ASIC2: variants seen among roughly 807,000 people sequenced by gnomAD.
ASIC2 encodes acid-sensing ion channel 2.
Under a neutral mutation model 57.3 loss-of-function variants are expected in ASIC2, and 25 were observed. The observed-to-expected ratio is 0.44, with a 90% confidence interval of 0.32 to 0.61. ASIC2 has a LOEUF of 0.61. ASIC2 is among the 20% of genes least tolerant of loss of function. The pLI is 0.06. For synonymous variants in ASIC2, 319 were observed against 307.5 expected (o/e 1.04, Z -0.39); for missense variants, 641 against 738.1 (o/e 0.87, Z 1.52).
At chr17:33,342,263 T>C (rs967660555) in intron 1 of ASIC2, among the ~76,000 whole-genome samples, 2 of 152,042 alleles carry the variant, frequency 1.3e-5, no homozygotes, top group African/African-American at 4.8e-5. Context: ...TCCTTACTCA[T>C]TGTTAGGGCT....
chr17:33,487,725 A>G (rs919046015), intron 1 of ASIC2, among the ~76,000 whole-genome samples: 1 of 152,222 alleles, frequency 6.6e-6, no homozygotes, highest in African/African-American at 2.4e-5. Context: ...CAGCGTGGCC[A>G]GAATAAAGAA....
chr17:33,665,292 A>C (rs1907434418), intron 1 of ASIC2, among the ~76,000 whole-genome samples: 1 of 152,216 alleles, frequency 6.6e-6, no homozygotes, highest in South Asian at 2.1e-4. Context: ...ACATATTTCG[A>C]GGTGTACTCA....
chr17:34,059,644 C>T (rs1004033331), intron 1 of ASIC2, among the ~76,000 whole-genome samples: 6 of 152,164 alleles, frequency 3.9e-5, no homozygotes, highest in Admixed American at 2.6e-4. Context: ...CTTGGTGCTG[C>T]TGTGGGAGGG....
intron 1 of ASIC2, among the ~76,000 whole-genome samples, chr17:33,980,276 CA>C (rs1905564537): frequency 6.6e-6 from 1 of 152,142 alleles, no homozygotes; most frequent in Non-Finnish European, 1.5e-5. Flanking sequence ...AGACAGAGCT[CA>C]AGCAAGTCTC....
chr17:33,029,530 C>T (rs1445839447), intron 3 of ASIC2, among the ~76,000 whole-genome samples: 2 of 152,242 alleles, frequency 1.3e-5, no homozygotes, highest in Admixed American at 6.5e-5. Flanking sequence ...TATCCACTCA[C>T]TTGATGATGG....
chr17:33,424,206 C>A (rs1256333265), intron 1 of ASIC2, among the ~76,000 whole-genome samples: 1 of 152,166 alleles, frequency 6.6e-6, no homozygotes, highest in East Asian at 1.9e-4. Context: ...CTCCTGCCCC[C>A]AAGGGTTATA....
chr17:33,251,229 A>G (rs997491350), intron 1 of ASIC2, among the ~76,000 whole-genome samples: 4 of 152,240 alleles, frequency 2.6e-5, no homozygotes, highest in Non-Finnish European at 5.9e-5. Flanking sequence ...AGTGGGTTCT[A>G]GGTTACCACA....
At chr17:33,638,954 C>T (rs77929727) in intron 1 of ASIC2, among the ~76,000 whole-genome samples, 3 of 152,106 alleles carry the variant, frequency 2.0e-5, no homozygotes, top group Admixed American at 6.5e-5. Context: ...CCCCAGTTGT[C>T]CTGGGTGGTC....
At chr17:34,017,398 C>T (rs1437302513) in intron 1 of ASIC2, among the ~76,000 whole-genome samples, 1 of 152,118 alleles carries the variant, frequency 6.6e-6, no homozygotes, top group Non-Finnish European at 1.5e-5. Context: ...TCCCTGACAC[C>T]CAACAATATT....
At chr17:33,531,346 C>T (rs1915045093) in intron 1 of ASIC2, among the ~76,000 whole-genome samples, 1 of 152,106 alleles carries the variant, frequency 6.6e-6, no homozygotes, top group South Asian at 2.1e-4. Context: ...ATCTGAGCTG[C>T]CTTTATCTGT....
chr17:33,923,309 C>A (rs1036546189), intron 1 of ASIC2, among the ~76,000 whole-genome samples: 3 of 152,166 alleles, frequency 2.0e-5, no homozygotes, highest in Non-Finnish European at 4.4e-5. Flanking sequence ...AAATATTTGC[C>A]GTTCTCAAGG....
At chr17:33,340,569 T>A (rs185088048) in intron 1 of ASIC2, among the ~76,000 whole-genome samples, 2 of 152,128 alleles carry the variant, frequency 1.3e-5, no homozygotes, top group Non-Finnish European at 2.9e-5. Context: ...ATATCAGATA[T>A]GACCTCCCTC....
intron 1 of ASIC2, among the ~76,000 whole-genome samples, chr17:33,909,026 A>G (rs1190606324): frequency 6.6e-6 from 1 of 152,190 alleles, no homozygotes; most frequent in Non-Finnish European, 1.5e-5. Flanking sequence ...CACAGCCATC[A>G]GCTGTTGAAT....
intron 1 of ASIC2, among the ~76,000 whole-genome samples, chr17:33,167,353 G>C (rs764305747): frequency 5.9e-5 from 9 of 152,176 alleles, no homozygotes; most frequent in Non-Finnish European, 1.3e-4. Context: ...CTAAGTCACA[G>C]AGGTCCTGCC....
intron 1 of ASIC2, among the ~76,000 whole-genome samples, chr17:33,888,903 T>C (rs8074055): frequency 0.17 from 25,884 of 151,972 alleles, 2,343 homozygotes; most frequent in African/African-American, 0.24. Flanking sequence ...TATAATAACG[T>C]AGGAACCATT....
At chr17:34,021,831 TG>T (rs1907169466) in intron 1 of ASIC2, among the ~76,000 whole-genome samples, 2 of 132,750 alleles carry the variant, frequency 1.5e-5, no homozygotes, top group East Asian at 2.0e-4. Context: ...TTTTGTGTTT[TG>T]TTTTGTTTTT....
intron 1 of ASIC2, among the ~76,000 whole-genome samples, chr17:33,549,262 A>G (rs1364860707): frequency 6.6e-6 from 1 of 152,186 alleles, no homozygotes; most frequent in Non-Finnish European, 1.5e-5. Flanking sequence ...GCAGAGAACC[A>G]AAAGAGACAT....
chr17:33,980,126 T>G (rs554544054), intron 1 of ASIC2, among the ~76,000 whole-genome samples: 248 of 152,080 alleles, frequency 1.6e-3, no homozygotes, highest in African/African-American at 6.0e-3. Flanking sequence ...ATAATAAAGA[T>G]AGAGACACAA....
chr17:33,997,617 T>A (rs1458736420), intron 1 of ASIC2, among the ~76,000 whole-genome samples: 1 of 152,178 alleles, frequency 6.6e-6, no homozygotes, highest in Non-Finnish European at 1.5e-5. Context: ...TTTTTCCGCA[T>A]CTATTGAGAT....
Sources: gnomAD v4.1 joint callset for allele counts (sites outside exome capture counted in the v4.1 genomes callset) on GRCh38, gnomAD v4.1.1 for gene constraint, MANE v1.5 for transcripts, NCBI Gene and HGNC (gene_info 2026-07-23, HGNC 2026-07-21) for gene names.